The following ST8SIA6 variants were observed in gnomAD, a reference collection of about 807,000 sequenced individuals.
The protein encoded by ST8SIA6 is ST8 alpha-N-acetyl-neuraminide alpha-2,8-sialyltransferase 6, also known as alpha-2,8-sialyltransferase 8F.
ST8SIA6 carries 39 observed loss-of-function variants against 33.6 expected under a neutral mutation model. The observed-to-expected ratio is 1.16, with a 90% confidence interval of 0.90 to 1.52. The LOEUF (loss-of-function observed/expected upper bound fraction) is 1.52, where lower values mean the gene tolerates loss of function less well. ST8SIA6 is among the 40% of genes most tolerant of loss of function. The probability of loss-of-function intolerance (pLI) is 0.00; values close to 1 mark genes in which losing one functional copy is unlikely to be tolerated. For missense variants in ST8SIA6, 441 were observed against 443.8 expected (o/e 0.99, Z 0.06); for synonymous variants, 172 against 167.2 (o/e 1.03, Z -0.22).
intron 4 of ST8SIA6, among the ~76,000 whole-genome samples, chr10:17,358,306 A>G (rs936605038): frequency 1.4e-4 from 21 of 152,280 alleles, no homozygotes; most frequent in Middle Eastern, 3.4e-3. Flanking sequence ...ATTCTGACTA[A>G]AGAAGGAACA....
chr10:17,340,975 T>G (rs1251972732), intron 4 of ST8SIA6, among the ~76,000 whole-genome samples: 1 of 152,158 alleles, frequency 6.6e-6, no homozygotes, highest in Non-Finnish European at 1.5e-5. Flanking sequence ...TGTGGGCTTG[T>G]GTTGTGCAGC....
intron 3 of ST8SIA6, among the ~76,000 whole-genome samples, chr10:17,365,458 C>A (rs935396299): frequency 6.6e-6 from 1 of 152,140 alleles, no homozygotes; most frequent in African/African-American, 2.4e-5. Flanking sequence ...TTAAATGGAA[C>A]CTTCCAGAAA....
chr10:17,330,154 CA>C (rs1848249705), intron 5 of ST8SIA6, among the ~76,000 whole-genome samples: 1 of 152,146 alleles, frequency 6.6e-6, no homozygotes, highest in African/African-American at 2.4e-5. Flanking sequence ...AAAAGAAAAT[CA>C]GTATAAATTT....
chr10:17,420,465 TG>T (rs1345337689), intron 2 of ST8SIA6, among the ~76,000 whole-genome samples: 1 of 152,200 alleles, frequency 6.6e-6, no homozygotes, highest in Admixed American at 6.5e-5. Context: ...TGCACATTTT[TG>T]TTATGGTGAA....
rs1309749679 is a variant in ST8SIA6, at chr10:17,396,618, C to T, written c.201-5998G>A. On this transcript the variant is annotated intron_variant, in intron 2 of 7. Coordinates refer to ENST00000377602, the MANE Select transcript of ST8SIA6 (RefSeq NM_001004470.3). ...AGAATAATCCACCTGCCATCACATC[C>T]CTCTCTATCTCCTCTGAGATCCAGC... is the stretch of plus-strand genomic sequence containing the variant. Among the ~76,000 whole-genome samples the T allele has an allele frequency of 2.0e-5, 3 of 152,108 alleles. No individual in the cohort carries two copies. In the East Asian group the frequency reaches 5.8e-4, roughly 29 times the overall value.
chr10:17,348,516 T>C (rs1848923786), intron 4 of ST8SIA6, among the ~76,000 whole-genome samples: 1 of 152,200 alleles, frequency 6.6e-6, no homozygotes, highest in South Asian at 2.1e-4. Flanking sequence ...GAGCTTCGTC[T>C]GTGCTCTGAG....
chr10:17,362,590 T>A (rs1454203748), intron 3 of ST8SIA6, among the ~76,000 whole-genome samples: 2 of 152,212 alleles, frequency 1.3e-5, no homozygotes, highest in Non-Finnish European at 2.9e-5. Flanking sequence ...TAAATTTAAT[T>A]ATGACTTTAC....
chr10:17,334,538 C>CA lies in ST8SIA6; in HGVS notation c.378-2987dup, dbSNP rs1165323563. ...TGGGCGACAGAGCGAGACTCCGTTT[C>CA]AAAAAAAAAAAAAATTATTATTATT... On this transcript the variant is annotated intron_variant, in intron 4 of 7. Coordinates refer to ENST00000377602, the MANE Select transcript of ST8SIA6 (RefSeq NM_001004470.3). Among the ~76,000 whole-genome samples, 58 of 88,460 alleles carry CA rather than the reference C, an allele frequency of 6.6e-4. 1 individual carries two copies. The highest frequency in any genetic ancestry group is 2.0e-3 in the African/African-American group (44 of 22,510). The allele number at this position is 88,460 out of a possible 152,430, so 58.0% of individuals were successfully genotyped here.
At chr10:17,403,040 C>G (rs552837009) in intron 2 of ST8SIA6, among the ~76,000 whole-genome samples, 33 of 152,256 alleles carry the variant, frequency 2.2e-4, no homozygotes, top group African/African-American at 7.9e-4. Flanking sequence ...GCCCATCACT[C>G]TAATGTTAAG....
intron 3 of ST8SIA6, among the ~76,000 whole-genome samples, chr10:17,364,614 T>A (rs1230430382): frequency 5.9e-5 from 9 of 152,172 alleles, no homozygotes; most frequent in African/African-American, 1.9e-4. Flanking sequence ...GAAAGTTAAA[T>A]CACCAACAGC....
At chr10:17,398,655 A>G (rs1850918030) in intron 2 of ST8SIA6, among the ~76,000 whole-genome samples, 1 of 152,232 alleles carries the variant, frequency 6.6e-6, no homozygotes. Flanking sequence ...AAACCAAATC[A>G]ATGTTACTCT....
chr10:17,379,425 C>A (rs1043094264), intron 3 of ST8SIA6, among the ~76,000 whole-genome samples: 1 of 152,124 alleles, frequency 6.6e-6, no homozygotes, highest in African/African-American at 2.4e-5. Flanking sequence ...TCGGGTCACA[C>A]CTGTGAAAGG....
intron 3 of ST8SIA6, among the ~76,000 whole-genome samples, chr10:17,386,769 G>A (rs1338902823): frequency 6.6e-6 from 1 of 152,124 alleles, no homozygotes; most frequent in Non-Finnish European, 1.5e-5. Context: ...ACGGGCAGGG[G>A]TTTTACAGTC....
At chr10:17,425,769 G>A (rs1292226753) in intron 2 of ST8SIA6, among the ~76,000 whole-genome samples, 1 of 151,394 alleles carries the variant, frequency 6.6e-6, no homozygotes, top group East Asian at 1.9e-4. Context: ...AAGAAAGAAA[G>A]AAATGTAAGT....
At chr10:17,381,176 C>T (rs998442438) in intron 3 of ST8SIA6, among the ~76,000 whole-genome samples, 1 of 152,016 alleles carries the variant, frequency 6.6e-6, no homozygotes, top group Non-Finnish European at 1.5e-5. Flanking sequence ...GAAAGTGTCT[C>T]CCTCTAGTAC....
chr10:17,434,973 C>T (rs554516244), intron 2 of ST8SIA6, among the ~76,000 whole-genome samples: 52 of 152,280 alleles, frequency 3.4e-4, no homozygotes, highest in Non-Finnish European at 3.8e-4. Context: ...CTCCCAGATT[C>T]GGCAAGGACT....
At chr10:17,357,661 T>A (rs1468752135) in intron 4 of ST8SIA6, among the ~76,000 whole-genome samples, 1 of 152,214 alleles carries the variant, frequency 6.6e-6, no homozygotes, top group Admixed American at 6.5e-5. Context: ...CCTGCCTTCG[T>A]GGCAGGGAGG....
chr10:17,356,477 A>C (rs1453022483), intron 4 of ST8SIA6, among the ~76,000 whole-genome samples: 4 of 151,272 alleles, frequency 2.6e-5, no homozygotes, highest in African/African-American at 7.3e-5. Flanking sequence ...TCTGCCTCTC[A>C]GGTTCAAGTG....
chr10:17,334,260 C>T (rs971911582), intron 4 of ST8SIA6, among the ~76,000 whole-genome samples: 3 of 151,770 alleles, frequency 2.0e-5, no homozygotes, highest in African/African-American at 4.8e-5. Context: ...AAAATACAGG[C>T]TGGGCGCGGT....
Sources: gnomAD v4.1 joint callset for allele counts (sites outside exome capture counted in the v4.1 genomes callset) on GRCh38, gnomAD v4.1.1 for gene constraint, MANE v1.5 for transcripts, NCBI Gene and HGNC (gene_info 2026-07-23, HGNC 2026-07-21) for gene names.